The following PHF3 variants were observed in gnomAD, a reference collection of about 807,000 sequenced individuals.
PHF3 encodes PHD finger protein 3.
In PHF3, 41 loss-of-function variants were observed where a neutral mutation model predicts 178.4. The observed-to-expected ratio is 0.23, with a 90% CI of 0.18 to 0.30. The LOEUF (loss-of-function observed/expected upper bound fraction) is 0.30, where lower values mean the gene tolerates loss of function less well. Ranked by LOEUF, PHF3 falls within the 10% of genes least tolerant of loss-of-function variation. PHF3 has a pLI of 1.00. For synonymous variants in PHF3, 842 were observed against 800.5 expected (o/e 1.05, Z -0.88); for missense variants, 2,346 against 2,398.1 (o/e 0.98, Z 0.45).
intron 8 of PHF3, among the ~76,000 whole-genome samples, chr6:63,699,062 G>A (rs894668621): frequency 6.6e-6 from 1 of 152,090 alleles, no homozygotes; most frequent in African/African-American, 2.4e-5. Context: ...TAGTTCTAAA[G>A]ATAGTCTTAA....
At position 63,724,264 on chromosome 6, in the gene PHF3, C is replaced by T. The variant is rs929582443; in HGVS notation, c.*10556C>T. ...ACCTTTGTTCTGCTATTGTTTCTAC[C>T]TCATCATCTGCTATCCCACCGTGCT... On this transcript the variant is annotated 3_prime_UTR_variant, in exon 16 of 16. Coordinates refer to ENST00000262043, the MANE Select transcript of PHF3 (RefSeq NM_001370348.2). 1.1e-4 allele frequency among the ~76,000 whole-genome samples: 17 copies of T among 152,220 alleles called. No individual in the cohort carries two copies. The highest frequency in any genetic ancestry group is 3.9e-4 in the East Asian group (2 of 5,186).
Position 63,703,670 on chromosome 6 carries a change from A to T in PHF3, c.3366A>T (p.Ile1122=), listed in dbSNP as rs1209079789. Residue 1122 remains isoleucine, a splice_region_variant and synonymous_variant, in exon 11 of 16, where the codon ATA becomes ATT. Transcript: ENST00000262043. ...HLFDLNCKIC[I]GRMAPPVDDL... ...TTGATCTCAACTGCAAAATCTGCAT[A>T]GGTAATTGGAAGTTTTTCTTCGTAA... The T allele has an allele frequency of 1.3e-6, 2 of 1,589,536 alleles. No homozygotes were observed. Among genetic ancestry groups the T allele is most frequent in the Non-Finnish European group, 1.7e-6 (2 of 1,173,252 alleles).
chr6:63,696,848 C>T lies in PHF3; in HGVS notation c.2681-1375C>T, dbSNP rs980618456. Among the ~76,000 whole-genome samples, 18 of 151,462 alleles carry T rather than the reference C, an allele frequency of 1.2e-4. 1 individual carries two copies. The highest frequency in any genetic ancestry group is 2.2e-4 in the Non-Finnish European group (15 of 67,880). ...CTGGTGACCTTGACTAGAATGGTTTCGGTGGAGCAGTAGGGAAAAAAACCA... is the reference window on the plus strand; with the variant it reads ...CTGGTGACCTTGACTAGAATGGTTTTGGTGGAGCAGTAGGGAAAAAAACCA... On this transcript the variant is annotated intron_variant, in intron 6 of 15. Coordinates refer to ENST00000262043, the MANE Select transcript of PHF3 (RefSeq NM_001370348.2).
Position 63,691,728 on chromosome 6 carries a change from G to GT in PHF3, c.2190-5dup, listed in dbSNP as rs1582089205. 15 of 1,563,012 alleles carry GT rather than the reference G, an allele frequency of 9.6e-6. No homozygotes were observed. Among genetic ancestry groups the GT allele is most frequent in the Non-Finnish European group, 1.3e-5 (15 of 1,153,394 alleles). On this transcript the variant is annotated splice_polypyrimidine_tract_variant and intron_variant, in intron 4 of 15. Transcript: ENST00000262043. ...AGGGATAAAAGTTTTTTGGTGTTCT[G>GT]TTTTCCAGGTTTATGGTTGGCTGTG...
At chr6:63,680,398 A>ATTTTTTTTTTTTTTTTTTTTT (rs994238749) in intron 3 of PHF3, among the ~76,000 whole-genome samples, 1 of 117,600 alleles carries the variant, frequency 8.5e-6, no homozygotes, top group African/African-American at 3.2e-5. Flanking sequence ...AGCTGGTTTA[A>ATTTTTTTTTTTTTTTTTTTTT]TTTTTTTTTT....
chr6:63,687,838 G>A (rs770670603), intron 4 of PHF3, among the ~76,000 whole-genome samples: 29 of 152,160 alleles, frequency 1.9e-4, no homozygotes, highest in Admixed American at 3.3e-4. Context: ...AGAATCTAGA[G>A]TGTTTTTGCT....
chr6:63,642,841 AT>A (rs1354594972), intron 1 of PHF3, among the ~76,000 whole-genome samples: 2 of 152,152 alleles, frequency 1.3e-5, no homozygotes, highest in Non-Finnish European at 2.9e-5. Flanking sequence ...TTGGCTCCTA[AT>A]TTTCCCCCTT....
chr6:63,645,691 A>AATTGTTTTAACTTT (rs1164316975), intron 1 of PHF3, among the ~76,000 whole-genome samples: 5 of 152,154 alleles, frequency 3.3e-5, no homozygotes, highest in African/African-American at 1.2e-4. Flanking sequence ...GATTTAACTT[A>AATTGTTTTAACTTT]ATTGTTTTAA....
At chr6:63,664,171 C>A (rs1765583636) in intron 2 of PHF3, among the ~76,000 whole-genome samples, 1 of 152,170 alleles carries the variant, frequency 6.6e-6, no homozygotes, top group South Asian at 2.1e-4. Flanking sequence ...AGTACCTTTT[C>A]CTAGTTCATT....
intron 1 of PHF3, among the ~76,000 whole-genome samples, chr6:63,641,528 ATGTGTGTG>A (rs201250434): frequency 0.024 from 3,318 of 140,564 alleles, 62 homozygotes; most frequent in African/African-American, 0.045. Flanking sequence ...TTAGGTGTGT[ATGTGTGTG>A]TGTGTGTGTG....
rs778126127 is a variant in PHF3, at chr6:63,711,182, C to T, written c.3817C>T (p.Arg1273Cys). ...ASGTKEICVV[R>C]FTPVTEEDQI... Reference sequence around the variant, plus strand: ...TCTTGAACAGGAAATTTGTGTGGTTCGCTTCACACCAGTAACTGAAGAAGA... The same window carrying T: ...TCTTGAACAGGAAATTTGTGTGGTTTGCTTCACACCAGTAACTGAAGAAGA... Residue 1273 changes from arginine to cysteine, a missense_variant, in exon 15 of 16, where the codon CGC becomes TGC. Coordinates refer to ENST00000262043, the MANE Select transcript of PHF3 (RefSeq NM_001370348.2). 3.8e-6 allele frequency: 6 copies of T among 1,591,546 alleles called. No individual in the cohort carries two copies. The highest frequency in any genetic ancestry group is 1.7e-4 in the Middle Eastern group (1 of 5,960).
At chr6:63,676,049 C>T (rs1004903925) in intron 2 of PHF3, among the ~76,000 whole-genome samples, 3 of 151,876 alleles carry the variant, frequency 2.0e-5, no homozygotes, top group African/African-American at 7.3e-5. Flanking sequence ...GATCTTTTTC[C>T]TTCATGTCTT....
intron 4 of PHF3, among the ~76,000 whole-genome samples, chr6:63,687,800 T>C (rs1179972802): frequency 6.6e-6 from 1 of 152,216 alleles, no homozygotes; most frequent in Non-Finnish European, 1.5e-5. Flanking sequence ...TGTTGTTTAC[T>C]TGCTGCCACC....
Position 63,720,204 on chromosome 6 carries a change from A to T in PHF3, c.*6496A>T. On this transcript the variant is annotated 3_prime_UTR_variant, in exon 16 of 16. Transcript: ENST00000262043. ...CTTGATTTTTTTCTTATTTGTACCT[A>T]TCCCTAATTCATTCCCAACTGAATT... 1 of 258,002 alleles carries T rather than the reference A, an allele frequency of 3.9e-6. No homozygotes were observed. The allele number at this position is 258,002 out of a possible 1,614,324, so 16.0% of individuals were successfully genotyped here.
chr6:63,639,474 T>G (rs1764484556), intron 1 of PHF3, among the ~76,000 whole-genome samples: 2 of 152,220 alleles, frequency 1.3e-5, no homozygotes, highest in African/African-American at 4.8e-5. Flanking sequence ...TAAGTGCATA[T>G]TCCTGTTTTA....
chr6:63,670,303 T>A (rs1765858301), intron 2 of PHF3, among the ~76,000 whole-genome samples: 1 of 152,174 alleles, frequency 6.6e-6, no homozygotes, highest in African/African-American at 2.4e-5. Flanking sequence ...AGTCTCGCTC[T>A]TAACGCCCAG....
Position 63,722,251 on chromosome 6 carries a change from A to T in PHF3, c.*8543A>T, listed in dbSNP as rs1768428304. ...TTACTTCAACAACACTGACTTTGTT[A>T]ATTAAGGATTTCATTCGCCTGTTTT... On this transcript the variant is annotated 3_prime_UTR_variant, in exon 16 of 16. Transcript: ENST00000262043. 6.6e-6 allele frequency among the ~76,000 whole-genome samples: 1 copy of T among 152,032 alleles called. No individual in the cohort carries two copies. Among genetic ancestry groups the T allele is most frequent in the African/African-American group, 2.4e-5 (1 of 41,402 alleles).
chr6:63,680,269 C>A, intron 3 of PHF3, 108 bp downstream of exon 3: 1 of 1,021,584 alleles, frequency 9.8e-7, no homozygotes, highest in Non-Finnish European at 1.4e-6. Context: ...TTTTGCTAAT[C>A]CATTCGTTTT....
At chr6:63,697,339 G>A (rs1349365554) in intron 6 of PHF3, among the ~76,000 whole-genome samples, 1 of 152,140 alleles carries the variant, frequency 6.6e-6, no homozygotes, top group Non-Finnish European at 1.5e-5. Flanking sequence ...TTGTAGTTGA[G>A]AAGGAGGTAT....
Sources: allele counts gnomAD v4.1 joint callset (sites outside exome capture counted in the v4.1 genomes callset), GRCh38; gene constraint gnomAD v4.1.1; transcripts MANE v1.5; gene names NCBI Gene and HGNC (gene_info 2026-07-23, HGNC 2026-07-21).